Variants in ATP8A1 observed in about 807,000 individuals in gnomAD.
ATP8A1 encodes ATPase phospholipid transporting 8A1.
A neutral mutation model predicts 177.7 loss-of-function variants in ATP8A1; 90 were observed. The observed-to-expected ratio is 0.51, with a 90% CI of 0.43 to 0.60. The LOEUF is 0.60. Ranked by LOEUF, ATP8A1 falls within the 20% of genes least tolerant of loss-of-function variation. ATP8A1 has a pLI of 0.00. For synonymous variants in ATP8A1, 493 were observed against 485.9 expected, an observed-to-expected ratio of 1.01 and a Z score of -0.19; for missense variants, 1,072 against 1,392.8, an observed-to-expected ratio of 0.77 and a Z score of 3.67.
At chr4:42,596,864 A>G (rs1461881961) in intron 6 of ATP8A1, among the ~76,000 whole-genome samples, 1 of 152,152 alleles carries the variant, frequency 6.6e-6, no homozygotes, top group Non-Finnish European at 1.5e-5. Context: ...ACCTGTGAAC[A>G]GTGTTAGCTG....
intron 19 of ATP8A1, among the ~76,000 whole-genome samples, chr4:42,544,966 C>G (rs968665860): frequency 2.6e-5 from 4 of 151,954 alleles, no homozygotes; most frequent in Non-Finnish European, 4.4e-5. Context: ...TCGAGATCAG[C>G]CTGACCAACA....
At chr4:42,614,687 C>G (rs1736726367) in intron 5 of ATP8A1, among the ~76,000 whole-genome samples, 1 of 152,214 alleles carries the variant, frequency 6.6e-6, no homozygotes, top group Non-Finnish European at 1.5e-5. Context: ...AGACCCTATA[C>G]AATTCAACCT....
intron 2 of ATP8A1, chr4:42,626,119 A>G (rs1202524832): frequency 6.5e-6 from 1 of 153,090 alleles, no homozygotes; most frequent in Non-Finnish European, 1.5e-5. Flanking sequence ...CAGACACTGT[A>G]AACAGAGATG....
At chr4:42,414,751 T>G (rs1206077903) in intron 35 of ATP8A1, 33 bp from the exon 36 acceptor site, 2 of 1,560,504 alleles carry the variant, frequency 1.3e-6, no homozygotes, top group Admixed American at 1.7e-5. Flanking sequence ...TGAAATGAAT[T>G]ATCAACTCGG....
intron 25 of ATP8A1, among the ~76,000 whole-genome samples, chr4:42,471,128 C>T (rs1205737907): frequency 1.3e-5 from 2 of 152,150 alleles, no homozygotes; most frequent in Admixed American, 6.5e-5. Flanking sequence ...AGCTCACCAT[C>T]AACTTGTTAC....
At chr4:42,588,146 G>A (rs1227258095) in intron 8 of ATP8A1, 114 bp downstream of exon 8, 3 of 772,312 alleles carry the variant, frequency 3.9e-6, no homozygotes, top group Non-Finnish European at 6.1e-6. Context: ...TGGTTCCATG[G>A]GAACATATTT....
chr4:42,590,773 C>T (rs908885568), intron 7 of ATP8A1, 38 bp downstream of exon 7: 1 of 1,577,692 alleles, frequency 6.3e-7, no homozygotes, highest in Non-Finnish European at 8.7e-7. Flanking sequence ...CGGTGAGGAC[C>T]CACATACACG....
At chr4:42,560,384 T>A (rs1234602058) in intron 15 of ATP8A1, among the ~76,000 whole-genome samples, 1 of 151,914 alleles carries the variant, frequency 6.6e-6, no homozygotes, top group Non-Finnish European at 1.5e-5. Flanking sequence ...CTTAAAAAAA[T>A]CAAATTTAAA....
rs991848308 is a variant in ATP8A1, at chr4:42,587,310, CT to C, written c.595-835del. Among the ~76,000 whole-genome samples the C allele has an allele frequency of 9.8e-3, 1,344 of 137,362 alleles. 13 individuals carry two copies. Among genetic ancestry groups the C allele is most frequent in the African/African-American group, 0.03 (1,112 of 37,646 alleles). The allele number at this position is 137,362 out of a possible 152,430, so 90.1% of individuals were successfully genotyped here. On this transcript the variant is annotated intron_variant, in intron 8 of 36. Coordinates refer to ENST00000381668, the MANE Select transcript of ATP8A1 (RefSeq NM_006095.2). Reference sequence around the variant, plus strand: ...CTTGTTGTACAGCTTCTTTTCTTTTCTTTTTTTTTTTTTTTGAGACGGAGTG... The same window carrying C: ...CTTGTTGTACAGCTTCTTTTCTTTTCTTTTTTTTTTTTTTGAGACGGAGTG...
intron 1 of ATP8A1, among the ~76,000 whole-genome samples, chr4:42,647,107 T>TGCCACAAGA (rs56109319): frequency 6.6e-6 from 1 of 151,796 alleles, no homozygotes; most frequent in Non-Finnish European, 1.5e-5. Context: ...ACCTCTAAAC[T>TGCCACAAGA]GCCAAGTCAA....
intron 6 of ATP8A1, 135 bp from the exon 7 acceptor site, chr4:42,591,019 T>A: frequency 1.3e-6 from 1 of 745,430 alleles, no homozygotes; most frequent in Non-Finnish European, 2.2e-6. Flanking sequence ...TAAAAACATC[T>A]AATGCCAATT....
chr4:42,652,091 C>T (rs1205644114), intron 1 of ATP8A1, among the ~76,000 whole-genome samples: 1 of 152,236 alleles, frequency 6.6e-6, no homozygotes, highest in Non-Finnish European at 1.5e-5. Context: ...TCCCACATCT[C>T]ACCTAAAAAT....
chr4:42,419,382 G>GT (rs1481513881), intron 35 of ATP8A1, among the ~76,000 whole-genome samples: 1 of 152,124 alleles, frequency 6.6e-6, no homozygotes, highest in African/African-American at 2.4e-5. Flanking sequence ...CATACATAGA[G>GT]TAAACTAATA....
At chr4:42,445,353 C>T (rs1164147788) in intron 31 of ATP8A1, among the ~76,000 whole-genome samples, 1 of 152,130 alleles carries the variant, frequency 6.6e-6, no homozygotes, top group Non-Finnish European at 1.5e-5. Flanking sequence ...TGTGTCTCGA[C>T]TCCTATACTT....
chr4:42,600,669 T>C, intron 5 of ATP8A1, 151 bp from the exon 6 acceptor site: 2 of 681,044 alleles, frequency 2.9e-6, no homozygotes, highest in South Asian at 2.2e-5. Flanking sequence ...AGCAAGAATA[T>C]GTAAACTTAC....
chr4:42,483,377 G>GAA (rs35565389), intron 25 of ATP8A1, among the ~76,000 whole-genome samples: 615 of 134,288 alleles, frequency 4.6e-3, no homozygotes, highest in Middle Eastern at 7.5e-3. Context: ...TGTGACTTAA[G>GAA]AAAAAAAAAA....
chr4:42,443,846 C>G (rs1577942411), intron 32 of ATP8A1, among the ~76,000 whole-genome samples, 174 bp from the exon 33 acceptor site: 2 of 152,226 alleles, frequency 1.3e-5, no homozygotes, highest in Admixed American at 1.3e-4. Flanking sequence ...AAGTGCTAAT[C>G]TCTTCTACAA....
chr4:42,442,224 G>A (rs76540592), intron 33 of ATP8A1, among the ~76,000 whole-genome samples: 1,553 of 152,268 alleles, frequency 0.01, 20 homozygotes, highest in Middle Eastern at 0.02. Flanking sequence ...TGAGATAAAG[G>A]AAGGCAAAGA....
chr4:42,606,634 T>C (rs1405435057), intron 5 of ATP8A1, among the ~76,000 whole-genome samples: 1 of 152,200 alleles, frequency 6.6e-6, no homozygotes, highest in African/African-American at 2.4e-5. Context: ...GTCCTAGAGA[T>C]AGGCACAGAG....
Sources: allele counts gnomAD v4.1 joint callset (sites outside exome capture counted in the v4.1 genomes callset), GRCh38; gene constraint gnomAD v4.1.1; transcripts MANE v1.5; gene names NCBI Gene and HGNC (gene_info 2026-07-23, HGNC 2026-07-21).